DYNC1I2: variants seen among roughly 807,000 people sequenced by gnomAD.
The protein encoded by DYNC1I2 is cytoplasmic dynein 1 intermediate chain 2.
Under a neutral mutation model 88.6 loss-of-function variants are expected in DYNC1I2, and 53 were observed. The ratio of observed to expected loss-of-function variants is 0.60; its 90% confidence interval spans 0.48 to 0.75. DYNC1I2 has a LOEUF of 0.75. Ranked by LOEUF, DYNC1I2 falls within the 30% of genes least tolerant of loss-of-function variation. DYNC1I2 has a pLI of 0.00. For missense variants in DYNC1I2, 458 were observed against 766.6 expected, an observed-to-expected ratio of 0.60 and a Z score of 4.75; for synonymous variants, 198 against 254.6, an observed-to-expected ratio of 0.78 and a Z score of 2.12.
intron 7 of DYNC1I2, among the ~76,000 whole-genome samples, chr2:171,724,241 T>C (rs908352244): frequency 3.5e-4 from 54 of 152,228 alleles, no homozygotes; most frequent in Admixed American, 3.5e-3. Context: ...TACAGTTATA[T>C]TTTTATTGCC....
In DYNC1I2 at chr2:171,728,297, A is replaced by C. The variant is rs1313792202; in HGVS notation, c.1144-8A>C. 1 of 1,510,028 alleles carries C rather than the reference A, an allele frequency of 6.6e-7. No homozygotes were observed. The highest frequency in any genetic ancestry group is 8.9e-7 in the Non-Finnish European group (1 of 1,129,362). 93.5% of individuals were successfully genotyped at this position (1,510,028 alleles called of 1,614,324 possible). A position where few individuals can be genotyped will look rare whatever the true frequency, so the allele number is the denominator to read the frequency against. Reference sequence around the variant, plus strand: ...ATAATCCCTGAAAACTTTTTTTAATATCTCTAGCACCCTGTATATTGTGTA... The same window carrying C: ...ATAATCCCTGAAAACTTTTTTTAATCTCTCTAGCACCCTGTATATTGTGTA... On this transcript the variant is annotated splice_polypyrimidine_tract_variant and splice_region_variant and intron_variant, in intron 12 of 17. Transcript: ENST00000397119.
intron 17 of DYNC1I2, among the ~76,000 whole-genome samples, chr2:171,746,683 A>G (rs1289061367): frequency 6.6e-6 from 1 of 152,168 alleles, no homozygotes; most frequent in Non-Finnish European, 1.5e-5. Context: ...CTAGCCACAT[A>G]TGGCTATTGA....
At chr2:171,701,384 A>G (rs1199105963) in intron 3 of DYNC1I2, among the ~76,000 whole-genome samples, 4 of 151,962 alleles carry the variant, frequency 2.6e-5, no homozygotes, top group Non-Finnish European at 5.9e-5. Flanking sequence ...TGGCCGGGCT[A>G]GTCTCGAACT....
At chr2:171,725,209 C>G (rs1688156804) in intron 7 of DYNC1I2, among the ~76,000 whole-genome samples, 1 of 152,188 alleles carries the variant, frequency 6.6e-6, no homozygotes, top group African/African-American at 2.4e-5. Flanking sequence ...CATTCTACAG[C>G]ATTAATGTGT....
At position 171,692,930 on chromosome 2, in the gene DYNC1I2, G is replaced by A. The variant is rs371717754; in HGVS notation, c.226+36G>A. ...GAATATATCCATTTATAAGAGATAG[G>A]CATAGATTCTGTTCAGCTCAGACAT... On this transcript the variant is annotated intron_variant, in intron 3 of 17. Coordinates refer to ENST00000397119, the MANE Select transcript of DYNC1I2 (RefSeq NM_001378.3). The A allele has an allele frequency of 2.8e-6, 4 of 1,442,106 alleles. No individual in the cohort carries two copies. The African/African-American group carries it at 4.2e-5, about 15-fold the overall frequency. 89.3% of individuals were successfully genotyped at this position (1,442,106 alleles called of 1,614,324 possible). A position where few individuals can be genotyped will look rare whatever the true frequency, so the allele number is the denominator to read the frequency against.
chr2:171,690,254 A>G lies in DYNC1I2; in HGVS notation c.99A>G (p.Lys33=). ...AGAAGAGAAAAGAAGAAGAAAGGAA[A>G]AAAAAAGAAGTATGTTTGATTTTTT... is the stretch of plus-strand genomic sequence containing the variant. ...EEKKRKEEER[K]KKETDQKKEA... The change falls in exon 2 of 18, where the codon AAA becomes AAG. Residue 33 remains lysine, a synonymous_variant. Transcript: ENST00000397119. 1 of 1,543,076 alleles carries G rather than the reference A, an allele frequency of 6.5e-7. No individual in the cohort carries two copies. Among genetic ancestry groups the G allele is most frequent in the Non-Finnish European group, 8.7e-7 (1 of 1,144,188 alleles).
intron 3 of DYNC1I2, among the ~76,000 whole-genome samples, chr2:171,699,389 A>C (rs1326559093): frequency 6.6e-6 from 1 of 151,988 alleles, no homozygotes; most frequent in Non-Finnish European, 1.5e-5. Flanking sequence ...TTTGCCTTTG[A>C]TTTTCTTATA....
At chr2:171,731,381 G>C (rs1688595720) in intron 15 of DYNC1I2, among the ~76,000 whole-genome samples, 1 of 152,126 alleles carries the variant, frequency 6.6e-6, no homozygotes, top group Admixed American at 6.6e-5. Context: ...ATGGATTTTT[G>C]GATTAGAGAT....
At chr2:171,742,629 T>C (rs1689523581) in intron 15 of DYNC1I2, among the ~76,000 whole-genome samples, 1 of 152,236 alleles carries the variant, frequency 6.6e-6, no homozygotes, top group African/African-American at 2.4e-5. Context: ...AAATGAATTT[T>C]TGTGTATTTT....
chr2:171,743,960 A>G, intron 15 of DYNC1I2, 89 bp from the exon 16 acceptor site: 19 of 1,175,008 alleles, frequency 1.6e-5, no homozygotes, highest in Non-Finnish European at 1.5e-5. Flanking sequence ...TACCTGTTGA[A>G]TGTATGTCAT....
chr2:171,697,679 C>G (rs1483214598), intron 3 of DYNC1I2, among the ~76,000 whole-genome samples: 1 of 141,326 alleles, frequency 7.1e-6, no homozygotes, highest in Non-Finnish European at 1.5e-5. Context: ...AAGACCCTGT[C>G]TCTACAAAAA....
At chr2:171,735,622 G>A (rs1431693488) in intron 15 of DYNC1I2, among the ~76,000 whole-genome samples, 1 of 152,170 alleles carries the variant, frequency 6.6e-6, no homozygotes, top group Non-Finnish European at 1.5e-5. Context: ...TAAAGACAGG[G>A]CTTCTAATAT....
rs1685054220 is a variant in DYNC1I2 at position 171,687,519 on chromosome 2, C to A, written c.-118C>A. 1 of 152,114 alleles carries A rather than the reference C, an allele frequency of 6.6e-6. No homozygotes were observed. Among genetic ancestry groups the A allele is most frequent in the Non-Finnish European group, 1.5e-5 (1 of 68,046 alleles). The allele number at this position is 152,114 out of a possible 1,614,324, so 9.4% of individuals were successfully genotyped here. ...GCGAGGGCGGAAGTTGGATTCCTGGCCTGAGAATATTAGGCGTAGTTTTCC... is the reference window on the plus strand; with the variant it reads ...GCGAGGGCGGAAGTTGGATTCCTGGACTGAGAATATTAGGCGTAGTTTTCC... On this transcript the variant is annotated 5_prime_UTR_variant, in exon 1 of 18. Transcript: ENST00000397119.
At chr2:171,720,159 A>G (rs543192985) in intron 7 of DYNC1I2, among the ~76,000 whole-genome samples, 4 of 152,154 alleles carry the variant, frequency 2.6e-5, no homozygotes, top group South Asian at 4.2e-4. Context: ...TGGTGAGTCT[A>G]AGTCCACCGT....
chr2:171,722,423 G>C (rs1687960311), intron 7 of DYNC1I2, among the ~76,000 whole-genome samples: 1 of 152,116 alleles, frequency 6.6e-6, no homozygotes, highest in Non-Finnish European at 1.5e-5. Context: ...GAGAAAGCGT[G>C]GAGTTAACCA....
chr2:171,705,912 AGTT>A (rs1686645459), intron 3 of DYNC1I2, among the ~76,000 whole-genome samples: 1 of 152,010 alleles, frequency 6.6e-6, no homozygotes, highest in African/African-American at 2.4e-5. Context: ...GAAATATTCT[AGTT>A]GTGATTTTTT....
intron 15 of DYNC1I2, among the ~76,000 whole-genome samples, chr2:171,737,639 A>G (rs1689103599): frequency 6.6e-6 from 1 of 152,080 alleles, no homozygotes; most frequent in Admixed American, 6.5e-5. Context: ...GGCTGGTCTC[A>G]AACTCCTGGC....
intron 3 of DYNC1I2, among the ~76,000 whole-genome samples, chr2:171,697,987 T>C (rs753426138): frequency 6.6e-6 from 1 of 152,212 alleles, no homozygotes; most frequent in African/African-American, 2.4e-5. Context: ...TCTCTGGCTA[T>C]TGAGCAATGC....
intron 16 of DYNC1I2, 148 bp from the exon 17 acceptor site, chr2:171,745,654 G>A (rs1689727876): frequency 1.2e-6 from 1 of 805,736 alleles, no homozygotes; most frequent in Non-Finnish European, 2.0e-6. Flanking sequence ...ATATATCACT[G>A]AAGAAGAAGA....
Sources: allele counts gnomAD v4.1 joint callset (sites outside exome capture counted in the v4.1 genomes callset), GRCh38; gene constraint gnomAD v4.1.1; transcripts MANE v1.5; gene names NCBI Gene and HGNC (gene_info 2026-07-23, HGNC 2026-07-21).